TPR: variants seen among roughly 807,000 people sequenced by gnomAD.
The protein encoded by TPR is nucleoprotein TPR.
Under a neutral mutation model 316.1 loss-of-function variants are expected in TPR, and 51 were observed. The observed-to-expected ratio is 0.16, with a 90% CI of 0.13 to 0.20. The LOEUF is 0.20. Ranked by LOEUF, TPR falls within the 10% of genes least tolerant of loss-of-function variation. The pLI is 1.00. For synonymous variants in TPR, 981 were observed against 914.7 expected (o/e 1.07, Z -1.31); for missense variants, 2,272 against 2,754.8 (o/e 0.82, Z 3.92).
chr1:186,323,601 G>T, intron 43 of TPR, 85 bp downstream of exon 43: 1 of 1,259,906 alleles, frequency 7.9e-7, no homozygotes, highest in South Asian at 2.2e-5. Flanking sequence ...AAAACCAAGA[G>T]AGAGAGAGAA....
chr1:186,316,737 C>A (rs995598165), intron 49 of TPR, among the ~76,000 whole-genome samples: 7 of 152,150 alleles, frequency 4.6e-5, no homozygotes, highest in Non-Finnish European at 8.8e-5. Context: ...GTTATTCACC[C>A]TTTCTGTGCC....
At chr1:186,358,475 A>G in intron 13 of TPR, 68 bp downstream of exon 13, 1 of 1,245,020 alleles carries the variant, frequency 8.0e-7, no homozygotes, top group Non-Finnish European at 1.2e-6. Flanking sequence ...AGGTACCTTC[A>G]AACAGATTCA....
In TPR at chr1:186,312,302, T is replaced by C. The variant is rs138853571; in HGVS notation, c.*1669A>G. The C allele has an allele frequency of 6.2e-7, 1 of 1,613,248 alleles. No homozygotes were observed. Among genetic ancestry groups the C allele is most frequent in the South Asian group, 1.1e-5 (1 of 90,816 alleles). On this transcript the variant is annotated 3_prime_UTR_variant, in exon 51 of 51. Coordinates refer to ENST00000367478, the MANE Select transcript of TPR (RefSeq NM_003292.3). ...TTAGGAGACGTCGCTTTGAACGTGC[T>C]ATAGGACCTTCTCAAACACACACCA...
intron 7 of TPR, 43 bp from the exon 8 acceptor site, chr1:186,361,912 A>C (rs1334007895): frequency 6.4e-7 from 1 of 1,573,066 alleles, no homozygotes; most frequent in Non-Finnish European, 8.7e-7. Flanking sequence ...TTTGAACTAA[A>C]TTTAGAATGC....
chr1:186,326,335 T>A, intron 40 of TPR, 100 bp from the exon 41 acceptor site: 2 of 1,505,236 alleles, frequency 1.3e-6, no homozygotes. Context: ...GACTCATTAA[T>A]CAGAAGATAG....
intron 2 of TPR, among the ~76,000 whole-genome samples, chr1:186,372,953 T>C (rs190504378): frequency 1.4e-3 from 209 of 152,152 alleles, no homozygotes; most frequent in Non-Finnish European, 2.1e-3. Context: ...TTCTTCAACA[T>C]AAAAACAAGC....
At chr1:186,363,871 G>T (rs1659261126) in intron 4 of TPR, among the ~76,000 whole-genome samples, 1 of 152,044 alleles carries the variant, frequency 6.6e-6, no homozygotes, top group Admixed American at 6.6e-5. Flanking sequence ...GCAATCAAGA[G>T]AAATATAAGC....
At chr1:186,357,281 C>T in intron 14 of TPR, 116 bp downstream of exon 14, 1 of 982,630 alleles carries the variant, frequency 1.0e-6, no homozygotes, top group Non-Finnish European at 1.5e-6. Context: ...CTCCTGGGCT[C>T]AAATGATACC....
In TPR at chr1:186,343,770, TTA is replaced by T. The variant is rs1199469178; in HGVS notation, c.3602+134_3602+135del. The T allele has an allele frequency of 4.4e-6, 4 of 918,464 alleles. No homozygotes were observed. In the African/African-American group the frequency reaches 6.8e-5, roughly 16 times the overall value. The allele number at this position is 918,464 out of a possible 1,614,324, so 56.9% of individuals were successfully genotyped here. On this transcript the variant is annotated intron_variant, in intron 26 of 50. Transcript: ENST00000367478. Reference sequence around the variant, plus strand: ...GTTTAATATGTGTAAATGTTAAAAGTTATGAGTTCTTTGACAAATAAAAGAAT... The same window carrying T: ...GTTTAATATGTGTAAATGTTAAAAGTTGAGTTCTTTGACAAATAAAAGAAT...
In TPR at chr1:186,312,390, T is replaced by G; in HGVS notation, c.*1581A>C. The G allele has an allele frequency of 6.3e-7, 1 of 1,593,188 alleles. No homozygotes were observed. The highest frequency in any genetic ancestry group is 8.5e-7 in the Non-Finnish European group (1 of 1,169,644). ...AGACAAAGGTAACATTTTTATTGTG[T>G]TAAAAAAATCCTTAAACATAAGTAG... On this transcript the variant is annotated 3_prime_UTR_variant, in exon 51 of 51. Transcript: ENST00000367478.
At position 186,371,035 on chromosome 1, in the gene TPR, G is replaced by T; in HGVS notation, c.265C>A (p.Leu89Met). Residue 89 changes from leucine to methionine, a missense_variant, in exon 3 of 51, where the codon CTG becomes ATG. Leu to Met is a conservative substitution (Grantham distance 15, BLOSUM62 2). Around this residue, in one of 10 missense-constraint regions of TPR, gnomAD observed 549 missense variants for 598.6 expected, o/e 0.92. Transcript: ENST00000367478. ...TTGTTTTTCTCAGTTAGTGCCTTCA[G>T]TTGATTGTCTGGATAAAAGGAATTT... The part of the protein sequence containing the change: ...RLELEKLNNQ[L>M]KALTEKNKEL... 6.2e-7 allele frequency: 1 copy of T among 1,612,764 alleles called. No homozygotes were observed. Among genetic ancestry groups the T allele is most frequent in the African/African-American group, 1.3e-5 (1 of 75,004 alleles).
intron 13 of TPR, 93 bp downstream of exon 13, chr1:186,358,450 T>C: frequency 1.1e-6 from 1 of 886,964 alleles, no homozygotes; most frequent in Non-Finnish European, 1.7e-6. Flanking sequence ...ATTTCATACA[T>C]GGTAGTTCTA....
chr1:186,311,736 G>T lies in TPR; in HGVS notation c.*2235C>A. ...TTTCAGTGAAAAAAATCAATATTGA[G>T]GGTAGTATTCTTATTGCCCTCAATT... is the stretch of plus-strand genomic sequence containing the variant. On this transcript the variant is annotated 3_prime_UTR_variant, in exon 51 of 51. Transcript: ENST00000367478. 1.1e-6 allele frequency: 1 copy of T among 927,964 alleles called. No individual in the cohort carries two copies. Among genetic ancestry groups the T allele is most frequent in the Non-Finnish European group, 1.6e-6 (1 of 613,868 alleles). 57.5% of individuals were successfully genotyped at this position (927,964 alleles called of 1,614,324 possible). A position where few individuals can be genotyped will look rare whatever the true frequency, so the allele number is the denominator to read the frequency against.
chr1:186,339,550 A>G, intron 30 of TPR, 92 bp downstream of exon 30: 1 of 1,138,616 alleles, frequency 8.8e-7, no homozygotes, highest in Non-Finnish European at 1.2e-6. Context: ...CATTCTTTCT[A>G]AAACCAGGAG....
intron 23 of TPR, 30 bp downstream of exon 23, chr1:186,346,105 A>G (rs1341277875): frequency 1.3e-6 from 2 of 1,558,234 alleles, no homozygotes; most frequent in Admixed American, 2.0e-5. Flanking sequence ...TACAAGTTAA[A>G]AAAAAAATTA....
chr1:186,341,519 T>G (rs2293570), intron 27 of TPR, 130 bp from the exon 28 acceptor site: 100 of 1,032,058 alleles, frequency 9.7e-5, no homozygotes, highest in Non-Finnish European at 1.3e-4. Context: ...AACTAAAATT[T>G]TTGAAAGTTC....
At chr1:186,331,745 C>T (rs3736595) in intron 38 of TPR, among the ~76,000 whole-genome samples, 164 bp from the exon 39 acceptor site, 17,740 of 151,994 alleles carry the variant, frequency 0.12, 1,289 homozygotes, top group Non-Finnish European at 0.16. Flanking sequence ...CATTCCTCCT[C>T]AGTATACACA....
chr1:186,349,349 C>T (rs907702859), intron 21 of TPR, among the ~76,000 whole-genome samples: 2 of 152,144 alleles, frequency 1.3e-5, no homozygotes, highest in African/African-American at 2.4e-5. Context: ...TTATTTATTT[C>T]CCTTGTGTTA....
chr1:186,330,736 T>C (rs1359880215), intron 39 of TPR, among the ~76,000 whole-genome samples: 2 of 152,066 alleles, frequency 1.3e-5, no homozygotes, highest in Admixed American at 6.6e-5. Context: ...AGCAAAATGA[T>C]ATCACTAATA....
Sources: gnomAD v4.1 joint callset for allele counts (sites outside exome capture counted in the v4.1 genomes callset) on GRCh38, gnomAD v4.1.1 for gene constraint, gnomAD v4.1.1 regional missense constraint, MANE v1.5 for transcripts, NCBI Gene and HGNC (gene_info 2026-07-23, HGNC 2026-07-21) for gene names.